SLC14A2: variants seen among roughly 807,000 people sequenced by gnomAD.
The protein encoded by SLC14A2 is urea transporter 2.
In SLC14A2, 91 loss-of-function variants were observed where a neutral mutation model predicts 104.6. The observed-to-expected ratio is 0.87, with a 90% CI of 0.73 to 1.04. The LOEUF (loss-of-function observed/expected upper bound fraction) is 1.04, where lower values mean the gene tolerates loss of function less well. SLC14A2 is among the 50% of genes least tolerant of loss of function. The pLI is 0.00. For synonymous variants in SLC14A2, 476 were observed against 466.4 expected, an observed-to-expected ratio of 1.02 and a Z score of -0.27; for missense variants, 1,189 against 1,156.0, an observed-to-expected ratio of 1.03 and a Z score of -0.41.
At chr18:45,242,581 T>C (rs1263911436) in intron 1 of SLC14A2, among the ~76,000 whole-genome samples, 1 of 152,218 alleles carries the variant, frequency 6.6e-6, no homozygotes, top group African/African-American at 2.4e-5. Flanking sequence ...TATGGTGAGA[T>C]GGGGCCCTGT....
chr18:45,241,944 C>T (rs149711425), intron 1 of SLC14A2, among the ~76,000 whole-genome samples: 3 of 152,200 alleles, frequency 2.0e-5, no homozygotes, highest in African/African-American at 7.2e-5. Context: ...TGCCCGGCAA[C>T]TTACCTGATT....
chr18:45,606,747 ACAAAAC>A lies in SLC14A2; in HGVS notation c.-34-17883_-34-17878del, dbSNP rs773987064. Among the ~76,000 whole-genome samples the A allele has an allele frequency of 1.0e-3, 49 of 48,966 alleles. 4 individuals are homozygous for A. The highest frequency in any genetic ancestry group is 1.4e-3 in the African/African-American group (14 of 9,692). 32.1% of individuals were successfully genotyped at this position (48,966 alleles called of 152,430 possible). A position where few individuals can be genotyped will look rare whatever the true frequency, so the allele number is the denominator to read the frequency against. ...ACAAAGTCTAATTAAAAAAAAAAAA[ACAAAAC>A]AAAAACAAAAAAAAAAAACACTGGC... On this transcript the variant is annotated intron_variant, in intron 2 of 20. Coordinates refer to the SLC14A2 transcript ENST00000586448.
chr18:45,214,737 TTA>T (rs943153911), intron 1 of SLC14A2, among the ~76,000 whole-genome samples: 3 of 152,058 alleles, frequency 2.0e-5, no homozygotes, highest in Admixed American at 6.6e-5. Flanking sequence ...TTTTCCAGTA[TTA>T]TGTTTATCCA....
chr18:45,391,151 T>C (rs1211463302), intron 1 of SLC14A2, among the ~76,000 whole-genome samples: 1 of 152,034 alleles, frequency 6.6e-6, no homozygotes, highest in Non-Finnish European at 1.5e-5. Context: ...CATTGTTCAA[T>C]TCCCACCTAT....
At chr18:45,581,735 T>C (rs2044495388) in intron 2 of SLC14A2, among the ~76,000 whole-genome samples, 1 of 152,210 alleles carries the variant, frequency 6.6e-6, no homozygotes, top group African/African-American at 2.4e-5. Context: ...TTGTTGATAT[T>C]GCTGTATTGT....
intron 1 of SLC14A2, among the ~76,000 whole-genome samples, chr18:45,458,767 T>C (rs1438138336): frequency 6.6e-6 from 1 of 152,156 alleles, no homozygotes; most frequent in Non-Finnish European, 1.5e-5. Context: ...TGAGTCCCAG[T>C]GTCCTCAAAC....
At chr18:45,540,660 G>A (rs960906231) in intron 2 of SLC14A2, among the ~76,000 whole-genome samples, 15 of 152,088 alleles carry the variant, frequency 9.9e-5, no homozygotes, top group African/African-American at 3.1e-4. Flanking sequence ...CAGGAGAATC[G>A]CTTGAATCTG....
At position 45,632,128 on chromosome 18, in the gene SLC14A2, GGTGT is replaced by G. The variant is rs143569307; in HGVS notation, c.522-209_522-206del. Among the ~76,000 whole-genome samples the G allele has an allele frequency of 6.3e-3, 789 of 125,296 alleles. 9 individuals carry two copies. The highest frequency in any genetic ancestry group is 0.022 in the African/African-American group (748 of 34,762). The allele number at this position is 125,296 out of a possible 152,430, so 82.2% of individuals were successfully genotyped here. On this transcript the variant is annotated intron_variant, in intron 4 of 19. Transcript: ENST00000255226. The stretch of plus-strand genomic sequence containing the variant: ...TTTAATTGTCGATCAGCAAGACAAG[GGTGT>G]GTGTGTGTGTGTTTGTGTGTGTGTG...
At chr18:45,580,666 T>C (rs1352547447) in intron 2 of SLC14A2, among the ~76,000 whole-genome samples, 1 of 152,116 alleles carries the variant, frequency 6.6e-6, no homozygotes, top group Non-Finnish European at 1.5e-5. Flanking sequence ...ATAGCAGCCA[T>C]ATATTGCAGG....
intron 1 of SLC14A2, among the ~76,000 whole-genome samples, chr18:45,413,150 T>C (rs565049019): frequency 1.3e-5 from 2 of 152,340 alleles, no homozygotes; most frequent in African/African-American, 2.4e-5. Flanking sequence ...CCAATGCTTA[T>C]GTATAAAAAG....
At chr18:45,508,872 TATGTAAAC>T (rs1415062709) in intron 2 of SLC14A2, among the ~76,000 whole-genome samples, 2 of 152,156 alleles carry the variant, frequency 1.3e-5, no homozygotes, top group Non-Finnish European at 2.9e-5. Flanking sequence ...GAGACAAAAA[TATGTAAAC>T]ATGTAAACAG....
chr18:45,357,301 G>T (rs2085564866), intron 1 of SLC14A2, among the ~76,000 whole-genome samples: 1 of 149,606 alleles, frequency 6.7e-6, no homozygotes, highest in Non-Finnish European at 1.5e-5. Context: ...AGATCTTGAG[G>T]GGGAAATACG....
At chr18:45,251,969 T>C (rs1179540795) in intron 1 of SLC14A2, among the ~76,000 whole-genome samples, 1 of 152,178 alleles carries the variant, frequency 6.6e-6, no homozygotes, top group East Asian at 1.9e-4. Context: ...CATTAGCTTG[T>C]AGAACATTAA....
chr18:45,244,193 A>G (rs2084346433), intron 1 of SLC14A2, among the ~76,000 whole-genome samples: 1 of 152,126 alleles, frequency 6.6e-6, no homozygotes, highest in Non-Finnish European at 1.5e-5. Context: ...ATTTATTCAA[A>G]TTTTTACAAA....
At chr18:45,562,119 G>A (rs2044207913) in intron 2 of SLC14A2, among the ~76,000 whole-genome samples, 1 of 152,170 alleles carries the variant, frequency 6.6e-6, no homozygotes, top group East Asian at 1.9e-4. Flanking sequence ...AATGCAATTA[G>A]TACACCTCCA....
intron 1 of SLC14A2, among the ~76,000 whole-genome samples, chr18:45,220,168 C>T (rs1239182435): frequency 1.3e-5 from 2 of 152,140 alleles, no homozygotes; most frequent in Non-Finnish European, 2.9e-5. Context: ...GTACCCATTC[C>T]TGATAGTAAG....
In SLC14A2 at chr18:45,663,880, T is replaced by C. The variant is rs903075469; in HGVS notation, c.1447T>C (p.Trp483Arg). 1.2e-6 allele frequency: 2 copies of C among 1,613,268 alleles called. No homozygotes were observed. The highest frequency in any genetic ancestry group is 1.7e-5 in the Admixed American group (1 of 59,984). ...SKHRSVFHIE[W>R]SSIRRRSKVF... ...GCACAGGAGTGTATTTCACATCGAG[T>C]GGTCATCCATTCGGAGGAGGAGCAA... The change falls in exon 11 of 20, where the codon TGG (tryptophan) becomes CGG (arginine). Residue 483 changes from tryptophan (W) to arginine (R), a missense_variant. Transcript: ENST00000255226.
chr18:45,660,321 G>C (rs1448740253), intron 10 of SLC14A2, among the ~76,000 whole-genome samples: 3 of 152,172 alleles, frequency 2.0e-5, no homozygotes, highest in Non-Finnish European at 4.4e-5. Flanking sequence ...AGCAAGGTAA[G>C]AGTCAATGCA....
chr18:45,627,939 G>A (rs1477648638), intron 4 of SLC14A2, among the ~76,000 whole-genome samples: 1 of 149,062 alleles, frequency 6.7e-6, no homozygotes, highest in African/African-American at 2.5e-5. Flanking sequence ...GGAGGTGGAG[G>A]TTGCAGTGAG....
Sources: gnomAD v4.1 joint callset for allele counts (sites outside exome capture counted in the v4.1 genomes callset) on GRCh38, gnomAD v4.1.1 for gene constraint, MANE v1.5 for transcripts, NCBI Gene and HGNC (gene_info 2026-07-23, HGNC 2026-07-21) for gene names.